Variants in WDR70 observed in about 807,000 individuals in gnomAD.
WDR70 encodes WD repeat-containing protein 70.
A neutral mutation model predicts 88.6 loss-of-function variants in WDR70; 53 were observed. That is an observed-to-expected ratio of 0.60 (90% CI 0.48 to 0.75). The LOEUF (loss-of-function observed/expected upper bound fraction) is 0.75. Among genes scored for constraint, WDR70 ranks in the 30% least tolerant of loss-of-function variants. WDR70 has a pLI of 0.00. For missense variants in WDR70, 610 were observed against 823.2 expected (o/e 0.74, Z 3.17); for synonymous variants, 280 against 270.0 (o/e 1.04, Z -0.36).
At chr5:37,534,174 CTG>C (rs1581374119) in intron 9 of WDR70, among the ~76,000 whole-genome samples, 1 of 152,168 alleles carries the variant, frequency 6.6e-6, no homozygotes, top group African/African-American at 2.4e-5. Context: ...TTCATGAACA[CTG>C]TTCATGATGT....
chr5:37,716,736 A>G (rs1389441012), intron 13 of WDR70, among the ~76,000 whole-genome samples: 1 of 152,120 alleles, frequency 6.6e-6, no homozygotes, highest in Non-Finnish European at 1.5e-5. Flanking sequence ...CCATGTCCTA[A>G]AATGTAAATC....
intron 11 of WDR70, among the ~76,000 whole-genome samples, chr5:37,699,354 ACACACAGTGT>A (rs1436518539): frequency 6.9e-6 from 1 of 145,174 alleles, no homozygotes; most frequent in East Asian, 2.0e-4. Flanking sequence ...ACACACACAC[ACACACAGTGT>A]GTGTGTGTGT....
chr5:37,510,269 C>T (rs1012976591), intron 8 of WDR70, among the ~76,000 whole-genome samples: 4 of 151,928 alleles, frequency 2.6e-5, no homozygotes, highest in African/African-American at 9.7e-5. Context: ...CCATTCCTCC[C>T]TCAACTAACA....
chr5:37,623,877 A>T (rs551607943), intron 10 of WDR70, among the ~76,000 whole-genome samples: 1 of 152,282 alleles, frequency 6.6e-6, no homozygotes, highest in East Asian at 1.9e-4. Flanking sequence ...GTAGCCATTT[A>T]AAAATTTTTT....
At chr5:37,744,678 G>A (rs1257260927) in intron 17 of WDR70, among the ~76,000 whole-genome samples, 1 of 151,512 alleles carries the variant, frequency 6.6e-6, no homozygotes, top group Admixed American at 6.6e-5. Context: ...CAGAAGAAAG[G>A]ATATCAGAGT....
intron 10 of WDR70, among the ~76,000 whole-genome samples, chr5:37,694,299 A>C (rs1299404879): frequency 6.6e-6 from 1 of 152,222 alleles, no homozygotes; most frequent in Admixed American, 6.5e-5. Flanking sequence ...GCGATTCCTC[A>C]AGGGCCTAGA....
intron 10 of WDR70, among the ~76,000 whole-genome samples, chr5:37,680,328 A>G (rs1033172235): frequency 6.6e-6 from 1 of 151,764 alleles, no homozygotes; most frequent in Admixed American, 6.6e-5. Flanking sequence ...ATTGTAAAAC[A>G]TTTCTCCCAT....
At chr5:37,687,612 C>T (rs4516882) in intron 10 of WDR70, among the ~76,000 whole-genome samples, 56,784 of 152,036 alleles carry the variant, frequency 0.37, 11,032 homozygotes, top group African/African-American at 0.46. Context: ...GACATAAACA[C>T]GTAGCAGATG....
intron 7 of WDR70, among the ~76,000 whole-genome samples, chr5:37,475,520 G>A (rs1224479193): frequency 6.6e-6 from 1 of 152,146 alleles, no homozygotes; most frequent in Non-Finnish European, 1.5e-5. Context: ...TTATGGGCGT[G>A]AGCCACCACG....
intron 7 of WDR70, among the ~76,000 whole-genome samples, chr5:37,455,000 T>G (rs1738787802): frequency 6.6e-6 from 1 of 152,218 alleles, no homozygotes; most frequent in Non-Finnish European, 1.5e-5. Context: ...AATGAAATAA[T>G]GTATATTTTA....
chr5:37,522,224 G>A (rs1297055882), intron 9 of WDR70, among the ~76,000 whole-genome samples: 3 of 152,022 alleles, frequency 2.0e-5, no homozygotes, highest in Non-Finnish European at 4.4e-5. Context: ...TGTAATCCCA[G>A]CATTTTGGGA....
intron 9 of WDR70, among the ~76,000 whole-genome samples, chr5:37,563,043 A>ACCTC (rs1742567259): frequency 9.4e-6 from 1 of 106,330 alleles, no homozygotes; most frequent in East Asian, 2.7e-4. Flanking sequence ...GGCGCCCCTC[A>ACCTC]CCTCCCGGAC....
At chr5:37,725,344 A>T (rs1747940805) in intron 16 of WDR70, among the ~76,000 whole-genome samples, 1 of 151,976 alleles carries the variant, frequency 6.6e-6, no homozygotes, top group South Asian at 2.1e-4. Context: ...TCGGGGGCTC[A>T]GTGGACCTTG....
intron 9 of WDR70, among the ~76,000 whole-genome samples, chr5:37,531,151 G>C (rs941669697): frequency 2.0e-5 from 3 of 152,124 alleles, no homozygotes; most frequent in Non-Finnish European, 4.4e-5. Flanking sequence ...TGTGGTATGA[G>C]AGAGTACTCG....
intron 7 of WDR70, among the ~76,000 whole-genome samples, chr5:37,446,772 C>G (rs1258122699): frequency 6.6e-6 from 1 of 152,158 alleles, no homozygotes. Context: ...TTCCTTATAC[C>G]TTACACAAAA....
chr5:37,453,444 A>G (rs1316911799), intron 7 of WDR70, among the ~76,000 whole-genome samples: 1 of 152,264 alleles, frequency 6.6e-6, no homozygotes, highest in Admixed American at 6.5e-5. Context: ...CAGCAGGAGC[A>G]TGTCCTTAAG....
intron 9 of WDR70, among the ~76,000 whole-genome samples, chr5:37,581,009 C>T (rs2112425506): frequency 6.6e-6 from 1 of 152,290 alleles, no homozygotes; most frequent in East Asian, 1.9e-4. Context: ...GGTCTTGCTG[C>T]TCGTGAGAAG....
chr5:37,553,353 T>C (rs1031407950), intron 9 of WDR70, among the ~76,000 whole-genome samples: 1 of 152,224 alleles, frequency 6.6e-6, no homozygotes, highest in African/African-American at 2.4e-5. Context: ...CTTCTTATCT[T>C]AAGCCCACAA....
At chr5:37,498,673 C>T (rs1169904097) in intron 8 of WDR70, among the ~76,000 whole-genome samples, 1 of 152,180 alleles carries the variant, frequency 6.6e-6, no homozygotes, top group Admixed American at 6.5e-5. Context: ...ATGGCATTGC[C>T]ATTCACCAGT....
Sources: gnomAD v4.1 joint callset for allele counts (sites outside exome capture counted in the v4.1 genomes callset) on GRCh38, gnomAD v4.1.1 for gene constraint, MANE v1.5 for transcripts, NCBI Gene and HGNC (gene_info 2026-07-23, HGNC 2026-07-21) for gene names.